CEP295: variants seen among roughly 807,000 people sequenced by gnomAD.
CEP295 encodes the protein centrosomal protein of 295 kDa.
In CEP295, 190 loss-of-function variants were observed where a neutral mutation model predicts 291.6. The ratio of observed to expected loss-of-function variants is 0.65; its 90% CI spans 0.58 to 0.73. The LOEUF (loss-of-function observed/expected upper bound fraction) is 0.73. Ranked by LOEUF, CEP295 falls within the 30% of genes least tolerant of loss-of-function variation. The pLI, the probability that CEP295 is intolerant of heterozygous loss-of-function variation, is 0.00. For synonymous variants in CEP295, 993 were observed against 1,038.8 expected (o/e 0.96, Z 0.85); for missense variants, 2,863 against 2,949.4 (o/e 0.97, Z 0.68).
At position 93,681,956 on chromosome 11, in the gene CEP295, A is replaced by G. The variant is rs535264610; in HGVS notation, c.766-1603A>G. On this transcript the variant is annotated intron_variant, in intron 7 of 29. Coordinates refer to ENST00000325212, the MANE Select transcript of CEP295 (RefSeq NM_033395.2). ...CAAAGCCCTTGGAAATGTGCCTGGA[A>G]TTTCATAAGCTCAGTAAATGTTAGT... Among the ~76,000 whole-genome samples the G allele has an allele frequency of 3.3e-5, 5 of 152,054 alleles. No homozygotes were observed. The South Asian group carries it at 1.0e-3, about 32-fold the overall frequency.
intron 17 of CEP295, among the ~76,000 whole-genome samples, chr11:93,706,301 G>A (rs1952507488): frequency 6.6e-6 from 1 of 152,130 alleles, no homozygotes. Flanking sequence ...CACAAATCAT[G>A]TTTGTTTCAT....
chr11:93,676,285 A>G (rs1332407273), intron 6 of CEP295, among the ~76,000 whole-genome samples: 2 of 151,978 alleles, frequency 1.3e-5, no homozygotes, highest in Admixed American at 6.5e-5. Flanking sequence ...AAGCATCAGC[A>G]ACATAGGAGA....
In CEP295 at chr11:93,694,302, G is replaced by A. The variant is rs145683348; in HGVS notation, c.1534-1195G>A. Among the ~76,000 whole-genome samples, 225 of 152,274 alleles carry A rather than the reference G, an allele frequency of 1.5e-3. 1 individual carries two copies. The highest frequency in any genetic ancestry group is 5.1e-3 in the African/African-American group (214 of 41,560). ...CTTATCCACAGTGTATATGTTCCAG[G>A]ACCCCTAGTGGATGCTTAATAGTAC... is the stretch of plus-strand genomic sequence containing the variant. On this transcript the variant is annotated intron_variant, in intron 12 of 29. Coordinates refer to ENST00000325212, the MANE Select transcript of CEP295 (RefSeq NM_033395.2).
intron 1 of CEP295, among the ~76,000 whole-genome samples, chr11:93,666,080 C>T (rs1950197081): frequency 6.6e-6 from 1 of 152,162 alleles, no homozygotes; most frequent in African/African-American, 2.4e-5. Flanking sequence ...AGGAATAAGT[C>T]AGGTCCAGAT....
intron 10 of CEP295, among the ~76,000 whole-genome samples, chr11:93,688,723 C>T (rs1030840288): frequency 2.0e-5 from 3 of 152,176 alleles, no homozygotes; most frequent in African/African-American, 7.2e-5. Context: ...TAGTTGATCT[C>T]AAATGTCACA....
At position 93,696,552 on chromosome 11, in the gene CEP295, T is replaced by C. The variant is rs915398109; in HGVS notation, c.1770-130T>C. ...TAGAACTGCCATTCTTAAAGGACAA[T>C]GTGAGTGTAATTTCTTTTCACCATG... On this transcript the variant is annotated intron_variant, in intron 14 of 29. Transcript: ENST00000325212. The C allele has an allele frequency of 5.8e-6, 6 of 1,040,774 alleles. No individual in the cohort carries two copies. In the African/African-American group the frequency reaches 6.5e-5, roughly 11 times the overall value. 64.5% of individuals were successfully genotyped at this position (1,040,774 alleles called of 1,614,324 possible). A position where few individuals can be genotyped will look rare whatever the true frequency, so the allele number is the denominator to read the frequency against.
In CEP295 at chr11:93,698,840, A is replaced by G. The variant is rs1236572358; in HGVS notation, c.3928A>G (p.Thr1310Ala). Residue 1310 changes from threonine to alanine, a missense_variant, in exon 15 of 30, where the codon ACA (threonine) becomes GCA (alanine). Thr to Ala is a moderately conservative substitution (Grantham distance 58). Around this residue, in one of 3 missense-constraint regions of CEP295, gnomAD observed 2,295 missense variants for 2,335.7 expected, o/e 0.98. Coordinates refer to ENST00000325212, the MANE Select transcript of CEP295 (RefSeq NM_033395.2). ...TTCGTTAGCTTCAGCTGAGTCTGGC[A>G]CAATCCTGGAACCTCTTTTTACAGA... Reference protein sequence around the residue: ...FTSLASAESGTILEPLFTESE... With the variant: ...FTSLASAESGAILEPLFTESE... 5 of 1,551,750 alleles carry G rather than the reference A, an allele frequency of 3.2e-6. No homozygotes were observed. The highest frequency in any genetic ancestry group is 4.4e-6 in the Non-Finnish European group (5 of 1,146,986).
chr11:93,672,712 G>A (rs1053321845), intron 5 of CEP295, among the ~76,000 whole-genome samples: 1 of 152,144 alleles, frequency 6.6e-6, no homozygotes, highest in Non-Finnish European at 1.5e-5. Context: ...AACTAAGGCT[G>A]GAAGATAGAA....
chr11:93,723,205 A>G lies in CEP295; in HGVS notation c.6112A>G (p.Thr2038Ala), dbSNP rs1477018215. The G allele has an allele frequency of 6.4e-7, 1 of 1,551,700 alleles. No homozygotes were observed. The highest frequency in any genetic ancestry group is 8.7e-7 in the Non-Finnish European group (1 of 1,146,848). ...TCTGTTGCCTGCAGTGGATGAAACT[A>G]CATGTGGTCACACACACTTTCAGCA... The part of the protein sequence containing the change: ...KSLLPAVDET[T>A]CGHTHFQQMI... The change falls in exon 21 of 30, where the codon ACA becomes GCA. Residue 2038 changes from threonine to alanine, a missense_variant. Transcript: ENST00000325212.
rs145328668 is a variant in CEP295 at position 93,709,917 on chromosome 11, A to G, written c.5749+3020A>G. On this transcript the variant is annotated intron_variant, in intron 18 of 29. Coordinates refer to ENST00000325212, the MANE Select transcript of CEP295 (RefSeq NM_033395.2). ...CTTTGTAGCTGTTGTAAATGGGATT[A>G]CTTTCTTGATTTCTTTTCAGGTGAT... Among the ~76,000 whole-genome samples the G allele has an allele frequency of 3.2e-4, 48 of 152,186 alleles. No individual in the cohort carries two copies. In the East Asian group the frequency reaches 7.3e-3, roughly 23 times the overall value.
At position 93,686,008 on chromosome 11, in the gene CEP295, C is replaced by T. The variant is rs554298866; in HGVS notation, c.1115-1636C>T. Among the ~76,000 whole-genome samples, 20 of 152,056 alleles carry T rather than the reference C, an allele frequency of 1.3e-4. No homozygotes were observed. The South Asian group carries it at 3.5e-3, about 27-fold the overall frequency. On this transcript the variant is annotated intron_variant, in intron 9 of 29. Transcript: ENST00000325212. ...ACAGGCATGAGCCACCATGCCCGGC[C>T]AGCAGTGTCTTTAAAAAGATATTCT...
intron 18 of CEP295, among the ~76,000 whole-genome samples, chr11:93,718,679 T>G (rs1953450551): frequency 6.6e-6 from 1 of 152,230 alleles, no homozygotes; most frequent in African/African-American, 2.4e-5. Flanking sequence ...CATCCCAGAT[T>G]AACTTCTCAT....
chr11:93,690,923 C>T (rs962856756), intron 10 of CEP295, among the ~76,000 whole-genome samples: 1 of 152,090 alleles, frequency 6.6e-6, no homozygotes, highest in African/African-American at 2.4e-5. Context: ...GAAAGGTCTC[C>T]TATACATCTT....
chr11:93,716,365 G>T (rs1218860746), intron 18 of CEP295, among the ~76,000 whole-genome samples: 5 of 152,148 alleles, frequency 3.3e-5, no homozygotes, highest in Non-Finnish European at 7.4e-5. Context: ...ATGAGGGAAG[G>T]GTGGTGTTGG....
Position 93,663,186 on chromosome 11 carries a change from C to G in CEP295, c.-27+1412C>G, listed in dbSNP as rs530082859. Among the ~76,000 whole-genome samples, 4 of 152,326 alleles carry G rather than the reference C, an allele frequency of 2.6e-5. No homozygotes were observed. In the East Asian group the frequency reaches 5.8e-4, roughly 22 times the overall value. ...GAGGCCATGCTTCCCATGGGCTGCT[C>G]CTAGCCACTGACAGTGGCAGGCCTG... On this transcript the variant is annotated intron_variant, in intron 1 of 29. Transcript: ENST00000325212.
Position 93,702,625 on chromosome 11 carries a change from G to A in CEP295, c.5440G>A (p.Ala1814Thr). The change falls in exon 16 of 30, where the codon GCC becomes ACC. Residue 1814 changes from alanine (A) to threonine (T), a missense_variant. Physicochemically the swap from Ala to Thr is moderately conservative, Grantham distance 58. Around this residue, in one of 3 missense-constraint regions of CEP295, gnomAD observed 2,295 missense variants for 2,335.7 expected, o/e 0.98. Transcript: ENST00000325212. ...TCATTTGGCTTCAGAAGATACTAGT[G>A]CCAAGCAAAGTGGTAAGATAATTGT... ...DNHLASEDTS[A>T]KQSGEHLEKD... is the part of the protein sequence containing the mutation. The A allele has an allele frequency of 6.5e-7, 1 of 1,543,704 alleles. No individual in the cohort carries two copies. Among genetic ancestry groups the A allele is most frequent in the Non-Finnish European group, 8.7e-7 (1 of 1,144,164 alleles).
In CEP295 at chr11:93,666,785, TGAAA is replaced by T; in HGVS notation, c.82_85del (p.Arg28GlyfsTer4). 6.5e-7 allele frequency: 1 copy of T among 1,547,664 alleles called. No individual in the cohort carries two copies. The highest frequency in any genetic ancestry group is 8.7e-7 in the Non-Finnish European group (1 of 1,143,908). On this transcript the variant is annotated frameshift_variant, in exon 2 of 30. Transcript: ENST00000325212. LOFTEE classifies it high-confidence loss of function. ...AAGCCTTCATTTTGAAGGAAGATTATGAAAGAAGGCGAAAACTAAGATTGCTACA... is the reference window on the plus strand; with the variant it reads ...AAGCCTTCATTTTGAAGGAAGATTATGAAGGCGAAAACTAAGATTGCTACA...
intron 6 of CEP295, among the ~76,000 whole-genome samples, chr11:93,677,024 G>T (rs1475607036): frequency 1.3e-5 from 2 of 151,902 alleles, no homozygotes; most frequent in East Asian, 3.8e-4. Flanking sequence ...TTCAGAAATG[G>T]GTTTATTACT....
At position 93,698,104 on chromosome 11, in the gene CEP295, G is replaced by C. The variant is rs1411904081; in HGVS notation, c.3192G>C (p.Leu1064Phe). Residue 1064 changes from leucine to phenylalanine, a missense_variant, in exon 15 of 30, where the codon TTG becomes TTC. This residue lies in a region of CEP295 where 2,295 missense variants were observed against 2,335.7 expected (regional missense o/e 0.98). Coordinates refer to ENST00000325212, the MANE Select transcript of CEP295 (RefSeq NM_033395.2). Reference sequence around the variant, plus strand: ...GTTTGAAGTTGCTCCAAGAACAGTTGACTAAACAGAGGGATACTCTTCAGG... The same window carrying C: ...GTTTGAAGTTGCTCCAAGAACAGTTCACTAAACAGAGGGATACTCTTCAGG... Reference protein sequence around the residue: ...HDSLKLLQEQLTKQRDTLQAR... With the variant: ...HDSLKLLQEQFTKQRDTLQAR... The C allele has an allele frequency of 1.9e-6, 3 of 1,551,966 alleles. No individual in the cohort carries two copies. The highest frequency in any genetic ancestry group is 4.9e-5 in the East Asian group (2 of 40,914).
Sources: gnomAD v4.1 joint callset for allele counts (sites outside exome capture counted in the v4.1 genomes callset) on GRCh38, gnomAD v4.1.1 for gene constraint, gnomAD v4.1.1 regional missense constraint, MANE v1.5 for transcripts, NCBI Gene and HGNC (gene_info 2026-07-23, HGNC 2026-07-21) for gene names.